SLAIN1: variants seen among roughly 807,000 people sequenced by gnomAD.
SLAIN1 encodes SLAIN motif-containing protein 1.
In SLAIN1, 17 loss-of-function variants were observed where a neutral mutation model predicts 55.4. The ratio of observed to expected loss-of-function variants is 0.31; its 90% confidence interval spans 0.21 to 0.46. The LOEUF (loss-of-function observed/expected upper bound fraction) is 0.46. Ranked by LOEUF, SLAIN1 falls within the 20% of genes least tolerant of loss-of-function variation. The probability of loss-of-function intolerance (pLI) is 1.00; values close to 1 mark genes in which losing one functional copy is unlikely to be tolerated. For synonymous variants in SLAIN1, 348 were observed against 337.4 expected, an observed-to-expected ratio of 1.03 and a Z score of -0.35; for missense variants, 682 against 785.1, an observed-to-expected ratio of 0.87 and a Z score of 1.57.
Position 77,698,562 on chromosome 13 carries a change from C to A in SLAIN1, c.626+23C>A. On this transcript the variant is annotated intron_variant, in intron 1 of 6. Coordinates refer to ENST00000418532, the MANE Select transcript of SLAIN1 (RefSeq NM_001242868.2). The surrounding 1 kb of genome is among the most constrained non-coding windows in gnomAD (Gnocchi z 4.1). ...CTGGTACTGCCTGGCTCCGCTCCTTCCCCGAGACCCTGGCCTCGGGGGCTT... is the reference window on the plus strand; with the variant it reads ...CTGGTACTGCCTGGCTCCGCTCCTTACCCGAGACCCTGGCCTCGGGGGCTT... 1 of 1,395,364 alleles carries A rather than the reference C, an allele frequency of 7.2e-7. No homozygotes were observed. 86.4% of individuals were successfully genotyped at this position (1,395,364 alleles called of 1,614,324 possible).
At chr13:77,699,785 T>TA (rs1200313042) in intron 1 of SLAIN1, among the ~76,000 whole-genome samples, 1 of 152,100 alleles carries the variant, frequency 6.6e-6, no homozygotes, top group Non-Finnish European at 1.5e-5. Flanking sequence ...GCTCAAGGTG[T>TA]AAAAAAATCA....
rs1453571136 is a variant in SLAIN1, at chr13:77,698,087, C to CCTGCTG, written c.182_187dup (p.Leu61_Leu62dup). The CCTGCTG allele has an allele frequency of 5.0e-6, 6 of 1,210,228 alleles. No homozygotes were observed. The highest frequency in any genetic ancestry group is 3.1e-6 in the Non-Finnish European group (3 of 971,126). The allele number at this position is 1,210,228 out of a possible 1,614,324, so 75.0% of individuals were successfully genotyped here. A position where few individuals can be genotyped will look rare whatever the true frequency, so the allele number is the denominator to read the frequency against. ...CGGCCAGCGCGGCCGCCGCCCCGCA[C>CCTGCTG]CTGCTGCTGCTGCCGCCGCCGCCGC... On this transcript the variant is annotated inframe_insertion, in exon 1 of 7. Coordinates refer to ENST00000418532, the MANE Select transcript of SLAIN1 (RefSeq NM_001242868.2). The surrounding 1 kb of genome is among the most constrained non-coding windows in gnomAD (Gnocchi z 4.1).
intron 2 of SLAIN1, among the ~76,000 whole-genome samples, chr13:77,726,056 A>T (rs942319498): frequency 5.9e-5 from 9 of 152,170 alleles, no homozygotes; most frequent in African/African-American, 1.9e-4. Flanking sequence ...TTGACCCTGG[A>T]CCTAGATAAC....
chr13:77,733,705 A>T (rs898628181), intron 2 of SLAIN1, among the ~76,000 whole-genome samples: 9 of 152,192 alleles, frequency 5.9e-5, no homozygotes, highest in Admixed American at 4.6e-4. Context: ...AATACATTAC[A>T]GTTGAATTCT....
intron 1 of SLAIN1, among the ~76,000 whole-genome samples, chr13:77,713,655 G>C: frequency 6.6e-6 from 1 of 152,124 alleles, no homozygotes; most frequent in Non-Finnish European, 1.5e-5. Flanking sequence ...ATTTGACCCA[G>C]CCATCCCATT....
In SLAIN1 at chr13:77,741,396, C is replaced by G. The variant is rs747829598; in HGVS notation, c.767-2887C>G. The G allele has an allele frequency of 3.0e-6, 3 of 987,306 alleles. No individual in the cohort carries two copies. In the African/African-American group the frequency reaches 5.2e-5, roughly 17 times the overall value. 61.2% of individuals were successfully genotyped at this position (987,306 alleles called of 1,614,324 possible). On this transcript the variant is annotated intron_variant, in intron 2 of 6. Coordinates refer to ENST00000418532, the MANE Select transcript of SLAIN1 (RefSeq NM_001242868.2). ...CATAGAAGAGAAGGAACTGGAAGTG[C>G]ATGTCTGTGTTCTGGCTCCGATTGG...
At chr13:77,703,583 C>T (rs137904366) in intron 1 of SLAIN1, among the ~76,000 whole-genome samples, 3 of 151,870 alleles carry the variant, frequency 2.0e-5, no homozygotes, top group Admixed American at 1.3e-4. Flanking sequence ...TGCAACTGGG[C>T]GAGGCAGGGT....
intron 6 of SLAIN1, among the ~76,000 whole-genome samples, chr13:77,761,973 A>G (rs892427658): frequency 6.6e-6 from 1 of 152,228 alleles, no homozygotes; most frequent in Non-Finnish European, 1.5e-5. Context: ...AAAGAGGTGG[A>G]ACAAGCAATT....
At chr13:77,759,309 TATCAG>T (rs1448440415) in intron 5 of SLAIN1, among the ~76,000 whole-genome samples, 1 of 152,180 alleles carries the variant, frequency 6.6e-6, no homozygotes, top group Non-Finnish European at 1.5e-5. Context: ...TGAATCCATT[TATCAG>T]ATCTAGGAGC....
At chr13:77,706,847 G>A (rs1382842454) in intron 1 of SLAIN1, among the ~76,000 whole-genome samples, 2 of 152,158 alleles carry the variant, frequency 1.3e-5, no homozygotes, top group African/African-American at 4.8e-5. Context: ...CCTCATGTTT[G>A]AAGGCACTGT....
intron 1 of SLAIN1, among the ~76,000 whole-genome samples, chr13:77,713,999 A>T (rs941756050): frequency 6.6e-6 from 1 of 151,846 alleles, no homozygotes; most frequent in Admixed American, 6.6e-5. Context: ...AGGGAGTGGA[A>T]CATCACACAC....
At chr13:77,722,520 T>A (rs1294243778) in intron 2 of SLAIN1, among the ~76,000 whole-genome samples, 4 of 152,208 alleles carry the variant, frequency 2.6e-5, no homozygotes, top group Non-Finnish European at 4.4e-5. Flanking sequence ...CCTCTCTTTT[T>A]AAATTCCATG....
At chr13:77,756,207 G>A (rs529625855) in intron 5 of SLAIN1, among the ~76,000 whole-genome samples, 1 of 151,882 alleles carries the variant, frequency 6.6e-6, no homozygotes, top group South Asian at 2.1e-4. Context: ...GTTACATGTA[G>A]GAGAGATAGT....
At chr13:77,720,029 A>G (rs2091246870) in intron 2 of SLAIN1, among the ~76,000 whole-genome samples, 1 of 152,128 alleles carries the variant, frequency 6.6e-6, no homozygotes, top group Non-Finnish European at 1.5e-5. Flanking sequence ...GGCAGAAAAC[A>G]GGATTTCATG....
intron 2 of SLAIN1, among the ~76,000 whole-genome samples, chr13:77,729,573 A>C (rs1215354866): frequency 6.6e-6 from 1 of 151,952 alleles, no homozygotes; most frequent in African/African-American, 2.4e-5. Flanking sequence ...GTTTAAAGCA[A>C]GACTTTCTAG....
At chr13:77,725,196 A>C (rs559246594) in intron 2 of SLAIN1, among the ~76,000 whole-genome samples, 24 of 152,316 alleles carry the variant, frequency 1.6e-4, no homozygotes, top group African/African-American at 5.5e-4. Flanking sequence ...ATAGACTAGC[A>C]TCAGTTGAAG....
chr13:77,719,548 T>G lies in SLAIN1; in HGVS notation c.643T>G (p.Ser215Ala). 1 of 1,612,884 alleles carries G rather than the reference T, an allele frequency of 6.2e-7. No individual in the cohort carries two copies. Residue 215 changes from serine to alanine, a missense_variant, in exon 2 of 7, where the codon TCA becomes GCA. Physicochemically the swap from Ser to Ala is moderately conservative, Grantham distance 99 (BLOSUM62 1). Around this residue, in one of 3 missense-constraint regions of SLAIN1, gnomAD observed 401 missense variants for 417.3 expected, o/e 0.96. Transcript: ENST00000418532. ...TTTTTTAAGGTTATACATTGGCTCTTCAAAGACGTTCACCTCATCAGAGAA... is the reference window on the plus strand; with the variant it reads ...TTTTTTAAGGTTATACATTGGCTCTGCAAAGACGTTCACCTCATCAGAGAA... ...DDYTWLYIGSSKTFTSSEKSL... is the reference protein window; with the variant it reads ...DDYTWLYIGSAKTFTSSEKSL...
At chr13:77,733,699 C>T (rs1334059164) in intron 2 of SLAIN1, among the ~76,000 whole-genome samples, 1 of 152,152 alleles carries the variant, frequency 6.6e-6, no homozygotes, top group African/African-American at 2.4e-5. Flanking sequence ...CTGACAAATA[C>T]ATTACAGTTG....
At chr13:77,757,667 A>G (rs1446124032) in intron 5 of SLAIN1, among the ~76,000 whole-genome samples, 1 of 152,126 alleles carries the variant, frequency 6.6e-6, no homozygotes, top group Non-Finnish European at 1.5e-5. Context: ...TCCCACTTAC[A>G]TGAGAGAACA....
Sources: gnomAD v4.1 joint callset for allele counts (sites outside exome capture counted in the v4.1 genomes callset) on GRCh38, gnomAD v4.1.1 for gene constraint, gnomAD v4.1.1 regional missense constraint, Gnocchi (gnomAD v3.1) non-coding constraint, MANE v1.5 for transcripts, NCBI Gene and HGNC (gene_info 2026-07-23, HGNC 2026-07-21) for gene names.